LRP1B: variants seen among roughly 807,000 people sequenced by gnomAD.
LRP1B encodes the protein low-density lipoprotein receptor-related protein 1B.
LRP1B carries 217 observed loss-of-function variants against 556.6 expected under a neutral mutation model. The observed-to-expected ratio is 0.39, with a 90% CI of 0.35 to 0.44. LRP1B has a LOEUF of 0.44. LRP1B is among the 20% of genes least tolerant of loss of function. The pLI, the probability that LRP1B is intolerant of heterozygous loss-of-function variation, is 1.00. For missense variants in LRP1B, 5,053 were observed against 5,620.8 expected (o/e 0.90, Z 3.23); for synonymous variants, 2,047 against 1,865.8 (o/e 1.10, Z -2.50).
intron 33 of LRP1B, among the ~76,000 whole-genome samples, chr2:140,773,274 G>T (rs929467296): frequency 6.6e-6 from 1 of 152,118 alleles, no homozygotes; most frequent in Non-Finnish European, 1.5e-5. Flanking sequence ...GGACCAGAGC[G>T]GCCAACATGG....
chr2:142,029,950 C>A (rs751202880), intron 1 of LRP1B, among the ~76,000 whole-genome samples: 3 of 151,620 alleles, frequency 2.0e-5, no homozygotes, highest in Non-Finnish European at 4.4e-5. Context: ...CTCAAACTTG[C>A]TGAACACTGA....
chr2:141,360,768 A>G lies in LRP1B; in HGVS notation c.344-106127T>C, dbSNP rs139130900. 2.7e-3 allele frequency among the ~76,000 whole-genome samples: 410 copies of G among 152,338 alleles called. 1 individual carries two copies. The highest frequency in any genetic ancestry group is 9.0e-3 in the African/African-American group (374 of 41,586). On this transcript the variant is annotated intron_variant, in intron 3 of 90. Transcript: ENST00000389484. Reference sequence around the variant, plus strand: ...CATACACTGTAGTATGCACATTTAAATATCACTTTCATTCGCTATATAGGA... The same window carrying G: ...CATACACTGTAGTATGCACATTTAAGTATCACTTTCATTCGCTATATAGGA...
At chr2:141,115,709 C>G (rs1221218232) in intron 7 of LRP1B, among the ~76,000 whole-genome samples, 1 of 151,592 alleles carries the variant, frequency 6.6e-6, no homozygotes, top group Non-Finnish European at 1.5e-5. Flanking sequence ...GTCTCGATCT[C>G]CTGACCTCAT....
intron 11 of LRP1B, among the ~76,000 whole-genome samples, chr2:141,036,906 C>G (rs1307072563): frequency 6.6e-6 from 1 of 151,956 alleles, no homozygotes; most frequent in African/African-American, 2.4e-5. Context: ...AAAATTATCT[C>G]CTGCCCAAAA....
intron 3 of LRP1B, among the ~76,000 whole-genome samples, chr2:141,375,414 A>G (rs1689391091): frequency 6.6e-6 from 1 of 151,960 alleles, no homozygotes; most frequent in African/African-American, 2.4e-5. Flanking sequence ...GTGTGGGTGA[A>G]TTCTCAAGTC....
chr2:141,944,700 G>T (rs555660833), intron 1 of LRP1B, among the ~76,000 whole-genome samples: 15 of 152,042 alleles, frequency 9.9e-5, no homozygotes, highest in Non-Finnish European at 2.1e-4. Flanking sequence ...AATATGAACA[G>T]ATGGAAAAGC....
At chr2:142,116,192 C>CAAAAAAAAAAAAA (rs70994477) in intron 1 of LRP1B, among the ~76,000 whole-genome samples, 1 of 65,446 alleles carries the variant, frequency 1.5e-5, no homozygotes, top group Non-Finnish European at 2.6e-5. Flanking sequence ...GAGTCTGTCT[C>CAAAAAAAAAAAAA]AAAAAAAAAA....
At chr2:142,069,503 C>G (rs987230787) in intron 1 of LRP1B, among the ~76,000 whole-genome samples, 1 of 151,646 alleles carries the variant, frequency 6.6e-6, no homozygotes, top group Non-Finnish European at 1.5e-5. Context: ...CACCTCTGAA[C>G]CATAGTAATC....
chr2:141,360,821 A>G (rs1209414567), intron 3 of LRP1B, among the ~76,000 whole-genome samples: 1 of 152,260 alleles, frequency 6.6e-6, no homozygotes, highest in African/African-American at 2.4e-5. Flanking sequence ...TTATTGAAAG[A>G]AGATAAAACA....
intron 1 of LRP1B, among the ~76,000 whole-genome samples, chr2:141,998,257 T>C (rs1702554618): frequency 6.6e-6 from 1 of 152,114 alleles, no homozygotes; most frequent in Admixed American, 6.6e-5. Flanking sequence ...TATTCATTTT[T>C]AATACTCCTC....
chr2:140,594,103 G>A (rs989836258), intron 43 of LRP1B, among the ~76,000 whole-genome samples: 3 of 151,780 alleles, frequency 2.0e-5, no homozygotes, highest in East Asian at 2.0e-4. Context: ...TCAGCCTCCC[G>A]AGTAGCTGGG....
At chr2:141,322,901 A>G (rs1687296968) in intron 3 of LRP1B, among the ~76,000 whole-genome samples, 1 of 152,146 alleles carries the variant, frequency 6.6e-6, no homozygotes, top group Non-Finnish European at 1.5e-5. Context: ...ACGAATATCC[A>G]AGATTAAAAT....
At chr2:140,270,917 TAAAA>T (rs1271116139) in intron 85 of LRP1B, among the ~76,000 whole-genome samples, 2 of 151,838 alleles carry the variant, frequency 1.3e-5, no homozygotes, top group Non-Finnish European at 2.9e-5. Context: ...TATTCTAACA[TAAAA>T]AAATCATGGA....
chr2:140,490,155 G>A (rs1210644733), intron 57 of LRP1B, among the ~76,000 whole-genome samples: 3 of 152,066 alleles, frequency 2.0e-5, no homozygotes, highest in Non-Finnish European at 2.9e-5. Context: ...TGTAGCTAAA[G>A]ACTTGCACTC....
intron 1 of LRP1B, among the ~76,000 whole-genome samples, chr2:142,119,897 G>T (rs908953495): frequency 6.6e-6 from 1 of 151,872 alleles, no homozygotes; most frequent in Non-Finnish European, 1.5e-5. Context: ...GTTTTAATAG[G>T]GTGGTTATTT....
At chr2:141,543,112 A>G (rs951772676) in intron 2 of LRP1B, among the ~76,000 whole-genome samples, 2 of 152,178 alleles carry the variant, frequency 1.3e-5, no homozygotes, top group African/African-American at 4.8e-5. Flanking sequence ...ATAAGCAAAT[A>G]TAAGAACTTG....
At chr2:140,645,740 A>G (rs547312230) in intron 41 of LRP1B, among the ~76,000 whole-genome samples, 2 of 151,508 alleles carry the variant, frequency 1.3e-5, no homozygotes, top group South Asian at 2.1e-4. Context: ...GGGTTTCACC[A>G]TGTTAGCCAG....
intron 2 of LRP1B, among the ~76,000 whole-genome samples, chr2:141,656,423 C>T (rs1237030699): frequency 6.6e-6 from 1 of 152,066 alleles, no homozygotes; most frequent in African/African-American, 2.4e-5. Context: ...CAATAAAATT[C>T]TTTCTGGGCA....
chr2:141,097,427 G>C (rs997879207), intron 7 of LRP1B, among the ~76,000 whole-genome samples: 4 of 151,918 alleles, frequency 2.6e-5, no homozygotes, highest in Non-Finnish European at 5.9e-5. Context: ...TCAAAGAGGG[G>C]GAGTAAGAAA....
Sources: gnomAD v4.1 joint callset for allele counts (sites outside exome capture counted in the v4.1 genomes callset) on GRCh38, gnomAD v4.1.1 for gene constraint, MANE v1.5 for transcripts, NCBI Gene and HGNC (gene_info 2026-07-23, HGNC 2026-07-21) for gene names.